Variants in EDRF1 observed in about 807,000 individuals in gnomAD.
EDRF1 encodes the protein erythroid differentiation-related factor 1.
In EDRF1, 69 loss-of-function variants were observed where a neutral mutation model predicts 148.7. The ratio of observed to expected loss-of-function variants is 0.46; its 90% CI spans 0.38 to 0.57. The LOEUF is 0.57. EDRF1 is among the 20% of genes least tolerant of loss of function. The pLI is 0.00. For synonymous variants in EDRF1, 515 were observed against 532.8 expected, an observed-to-expected ratio of 0.97 and a Z score of 0.46; for missense variants, 1,118 against 1,478.7, an observed-to-expected ratio of 0.76 and a Z score of 4.00.
At chr10:125,762,749 T>G (rs1850247851) in intron 24 of EDRF1, among the ~76,000 whole-genome samples, 1 of 152,146 alleles carries the variant, frequency 6.6e-6, no homozygotes, top group Non-Finnish European at 1.5e-5. Context: ...GTTTAAATCC[T>G]AGGTAGTTCT....
At chr10:125,739,112 T>A (rs1178962376) in intron 15 of EDRF1, among the ~76,000 whole-genome samples, 2 of 151,924 alleles carry the variant, frequency 1.3e-5, no homozygotes, top group Non-Finnish European at 2.9e-5. Context: ...TTAAATCAGT[T>A]TCAATTGTTT....
intron 23 of EDRF1, among the ~76,000 whole-genome samples, chr10:125,753,344 A>G (rs1036939225): frequency 2.8e-4 from 42 of 152,274 alleles, no homozygotes; most frequent in African/African-American, 9.9e-4. Context: ...TCCGGCATTC[A>G]TTTTACCTTC....
chr10:125,736,109 G>A (rs1848715911), intron 13 of EDRF1, among the ~76,000 whole-genome samples: 1 of 152,108 alleles, frequency 6.6e-6, no homozygotes, highest in South Asian at 2.1e-4. Flanking sequence ...ATAGTGGACA[G>A]GTGTGTAAAC....
Position 125,747,962 on chromosome 10 carries a change from A to T in EDRF1, c.3073A>T (p.Thr1025Ser). The T allele has an allele frequency of 6.2e-7, 1 of 1,614,218 alleles. No homozygotes were observed. The highest frequency in any genetic ancestry group is 8.5e-7 in the Non-Finnish European group (1 of 1,180,026). ...GCCCCTTTGTCAGTATCGAGCTGCA[A>T]CCATCCATCACAGGCTGGCCTCCAT... ...RQPLCQYRAA[T>S]IHHRLASMYH... is the part of the protein sequence containing the mutation. The change falls in exon 21 of 25, where the codon ACC becomes TCC. Residue 1025 changes from threonine to serine, a missense_variant. Coordinates refer to ENST00000356792, the MANE Select transcript of EDRF1 (RefSeq NM_001202438.2).
chr10:125,758,002 C>G (rs1307524793), intron 24 of EDRF1, among the ~76,000 whole-genome samples: 1 of 152,136 alleles, frequency 6.6e-6, no homozygotes, highest in Non-Finnish European at 1.5e-5. Flanking sequence ...TTCCACAGCT[C>G]TTGGATATTC....
rs1848406394 is a variant in EDRF1 at position 125,729,547 on chromosome 10, A to G, written c.1016+68A>G. On this transcript the variant is annotated intron_variant, in intron 8 of 24. Transcript: ENST00000356792. Reference sequence around the variant, plus strand: ...ATTCTTCCTTTAGAATCAGTGTTCCATCAGACTGAGGTTGCAGTGAGCCAA... The same window carrying G: ...ATTCTTCCTTTAGAATCAGTGTTCCGTCAGACTGAGGTTGCAGTGAGCCAA... 4 of 1,595,368 alleles carry G rather than the reference A, an allele frequency of 2.5e-6. No homozygotes were observed. The East Asian group carries it at 8.9e-5, about 36-fold the overall frequency.
At chr10:125,724,028 T>A in intron 4 of EDRF1, 92 bp downstream of exon 4, 10 of 1,431,278 alleles carry the variant, frequency 7.0e-6, no homozygotes, top group Non-Finnish European at 6.8e-6. Flanking sequence ...AAAGTGGAAA[T>A]GTAGTTGAGT....
chr10:125,748,490 G>C (rs1301472403), intron 21 of EDRF1: 1 of 194,284 alleles, frequency 5.1e-6, no homozygotes, highest in Non-Finnish European at 1.1e-5. Context: ...ATCTGAGGCC[G>C]AGGATAAAGG....
Position 125,760,715 on chromosome 10 carries a change from AG to A in EDRF1, c.3546-2585del, listed in dbSNP as rs1307021669. Among the ~76,000 whole-genome samples, 4 of 152,338 alleles carry A rather than the reference AG, an allele frequency of 2.6e-5. No individual in the cohort carries two copies. In the East Asian group the frequency reaches 7.7e-4, roughly 29 times the overall value. On this transcript the variant is annotated intron_variant, in intron 24 of 24. Coordinates refer to ENST00000356792, the MANE Select transcript of EDRF1 (RefSeq NM_001202438.2). ...ACATGAACATTCTCTTTTGCAATAT[AG>A]AGAGAAATCAGAATGAGACCTAAAA... is the stretch of plus-strand genomic sequence containing the variant.
rs142754903 is a variant in EDRF1, at chr10:125,753,636, C to T, written c.3394-58C>T. 20 of 1,578,922 alleles carry T rather than the reference C, an allele frequency of 1.3e-5. No individual in the cohort carries two copies. The African/African-American group carries it at 1.3e-4, about 11-fold the overall frequency. Reference sequence around the variant, plus strand: ...GAAACTGCAGTTCCATCACTTGGTACGATATGAAACTACAGTTGTTGGATA... The same window carrying T: ...GAAACTGCAGTTCCATCACTTGGTATGATATGAAACTACAGTTGTTGGATA... On this transcript the variant is annotated intron_variant, in intron 23 of 24. Coordinates refer to ENST00000356792, the MANE Select transcript of EDRF1 (RefSeq NM_001202438.2).
chr10:125,729,522 A>G, intron 8 of EDRF1, 43 bp downstream of exon 8: 1 of 1,612,718 alleles, frequency 6.2e-7, no homozygotes, highest in Non-Finnish European at 8.5e-7. Flanking sequence ...TGGTATTTAA[A>G]TTCTTCCTTT....
At chr10:125,751,656 C>T (rs908318395) in intron 22 of EDRF1, among the ~76,000 whole-genome samples, 1 of 152,184 alleles carries the variant, frequency 6.6e-6, no homozygotes, top group Non-Finnish European at 1.5e-5. Flanking sequence ...GTCGGGGAGT[C>T]CCCAAGACCA....
intron 9 of EDRF1, among the ~76,000 whole-genome samples, chr10:125,732,681 G>C (rs1443451052): frequency 6.6e-6 from 1 of 152,164 alleles, no homozygotes; most frequent in Non-Finnish European, 1.5e-5. Context: ...ACAAAGTGGG[G>C]TGAAAATCAA....
At chr10:125,739,630 A>G (rs968201907) in intron 15 of EDRF1, among the ~76,000 whole-genome samples, 6 of 152,234 alleles carry the variant, frequency 3.9e-5, no homozygotes, top group Admixed American at 1.3e-4. Flanking sequence ...ACATTAAACC[A>G]TAATGAAGAC....
chr10:125,747,205 A>G (rs1849403597), intron 19 of EDRF1: 1 of 264,178 alleles, frequency 3.8e-6, no homozygotes, highest in Admixed American at 5.0e-5. Flanking sequence ...CTAGTTATAT[A>G]AACTGTAATT....
rs1246672600 is a variant in EDRF1 at position 125,752,953 on chromosome 10, C to G, written c.3393+39C>G. 2.8e-6 allele frequency: 4 copies of G among 1,421,324 alleles called. No individual in the cohort carries two copies. In the East Asian group the frequency reaches 6.8e-5, roughly 24 times the overall value. The allele number at this position is 1,421,324 out of a possible 1,614,324, so 88.0% of individuals were successfully genotyped here. On this transcript the variant is annotated intron_variant, in intron 23 of 24. Transcript: ENST00000356792. Reference sequence around the variant, plus strand: ...ATGACTGTCTTTGGTTTTTGTGTGTCTTAAGCTACATGGTGAATGTATATA... The same window carrying G: ...ATGACTGTCTTTGGTTTTTGTGTGTGTTAAGCTACATGGTGAATGTATATA...
At chr10:125,720,861 CT>C (rs1265704580) in intron 1 of EDRF1, among the ~76,000 whole-genome samples, 2 of 151,530 alleles carry the variant, frequency 1.3e-5, no homozygotes, top group Non-Finnish European at 2.9e-5. Context: ...TGAAAATAGG[CT>C]TTACTAAAGT....
intron 13 of EDRF1, 93 bp from the exon 14 acceptor site, chr10:125,737,825 A>G (rs1848816893): frequency 7.9e-7 from 1 of 1,267,144 alleles, no homozygotes; most frequent in Admixed American, 1.7e-5. Context: ...ATTTTTGTTG[A>G]TAATGCTTAC....
Position 125,763,248 on chromosome 10 carries a change from G to A in EDRF1, c.3546-53G>A. 1 of 1,551,936 alleles carries A rather than the reference G, an allele frequency of 6.4e-7. No homozygotes were observed. Among genetic ancestry groups the A allele is most frequent in the South Asian group, 1.1e-5 (1 of 89,740 alleles). On this transcript the variant is annotated intron_variant, in intron 24 of 24. Coordinates refer to ENST00000356792, the MANE Select transcript of EDRF1 (RefSeq NM_001202438.2). The surrounding 1 kb of genome is among the most constrained non-coding windows in gnomAD (Gnocchi z 4.3). Reference sequence around the variant, plus strand: ...GTCCGGTTTTCTGGACCTCTGAATTGTCGGTAGGCATTGCTGGTCCCTTAC... The same window carrying A: ...GTCCGGTTTTCTGGACCTCTGAATTATCGGTAGGCATTGCTGGTCCCTTAC...
Sources: allele counts gnomAD v4.1 joint callset (sites outside exome capture counted in the v4.1 genomes callset), GRCh38; gene constraint gnomAD v4.1.1; non-coding constraint Gnocchi (gnomAD v3.1); transcripts MANE v1.5; gene names NCBI Gene and HGNC (gene_info 2026-07-23, HGNC 2026-07-21).